Variants in BCL11A observed in about 807,000 individuals in gnomAD.
The protein encoded by BCL11A is BCL11 transcription factor A.
BCL11A carries 2 observed loss-of-function variants against 55.9 expected under a neutral mutation model. The ratio of observed to expected loss-of-function variants is 0.04; its 90% CI spans 0.01 to 0.11. The LOEUF (loss-of-function observed/expected upper bound fraction) is 0.11. Ranked by LOEUF, BCL11A falls within the 10% of genes least tolerant of loss-of-function variation. The pLI, the probability that BCL11A is intolerant of heterozygous loss-of-function variation, is 1.00. For synonymous variants in BCL11A, 465 were observed against 473.4 expected, an observed-to-expected ratio of 0.98 and a Z score of 0.23; for missense variants, 817 against 1,137.1, an observed-to-expected ratio of 0.72 and a Z score of 4.05.
chr2:60,467,099 A>ATGGTGGTGG (rs1342968262), intron 3 of BCL11A, among the ~76,000 whole-genome samples: 19 of 97,462 alleles, frequency 1.9e-4, no homozygotes, highest in Non-Finnish European at 3.6e-4. Flanking sequence ...GGTGGTGATG[A>ATGGTGGTGG]TGGTGGTGGT....
chr2:60,452,808 G>T (rs1675782328), downstream of BCL11A: 1 of 627,890 alleles, frequency 1.6e-6, no homozygotes, highest in East Asian at 2.8e-5. Flanking sequence ...TCTTAAGCAT[G>T]ATTTCAAACT....
chr2:60,501,132 A>C (rs1679254922), intron 2 of BCL11A, among the ~76,000 whole-genome samples: 1 of 152,242 alleles, frequency 6.6e-6, no homozygotes, highest in African/African-American at 2.4e-5. Context: ...GTTTCTGGAA[A>C]GTTGTTGGTA....
chr2:60,495,499 C>T (rs144676401), intron 2 of BCL11A, among the ~76,000 whole-genome samples: 1 of 152,356 alleles, frequency 6.6e-6, no homozygotes, highest in Non-Finnish European at 1.5e-5. Context: ...TGTCTAGCTG[C>T]CTTCCTTATC....
intron 2 of BCL11A, among the ~76,000 whole-genome samples, chr2:60,472,833 T>G (rs185388027): frequency 6.6e-6 from 1 of 152,248 alleles, no homozygotes; most frequent in Admixed American, 6.5e-5. Context: ...CAGGTAATAC[T>G]GCAGATTTCC....
At chr2:60,506,304 A>G (rs1475350379) in intron 2 of BCL11A, among the ~76,000 whole-genome samples, 1 of 152,244 alleles carries the variant, frequency 6.6e-6, no homozygotes, top group Non-Finnish European at 1.5e-5. Context: ...TCACCTTCAC[A>G]GGCCAGCTGT....
chr2:60,517,657 G>A (rs1311422200), intron 2 of BCL11A, among the ~76,000 whole-genome samples: 6 of 152,248 alleles, frequency 3.9e-5, no homozygotes, highest in East Asian at 1.9e-4. Flanking sequence ...GGCCATGTGC[G>A]ATTGGTACAG....
rs1670454925 is a variant in BCL11A at position 60,552,475 on chromosome 2, A to G, written c.55+741T>C. ...GGGCAAGCGCGAGGAGCCGGCACAA[A>G]AGGCAGCGGGACAAACACCCACCTC... On this transcript the variant is annotated intron_variant, in intron 1 of 3. Coordinates refer to ENST00000642384, the MANE Select transcript of BCL11A (RefSeq NM_022893.4). 2.0e-5 allele frequency among the ~76,000 whole-genome samples: 3 copies of G among 152,016 alleles called. No individual in the cohort carries two copies. In the South Asian group the frequency reaches 6.2e-4, roughly 32 times the overall value.
intron 2 of BCL11A, among the ~76,000 whole-genome samples, chr2:60,508,391 C>T (rs1679766941): frequency 6.6e-6 from 1 of 152,202 alleles, no homozygotes; most frequent in East Asian, 1.9e-4. Context: ...GCAAGCACTG[C>T]AGCCGGGTCC....
intron 2 of BCL11A, among the ~76,000 whole-genome samples, chr2:60,513,847 C>G (rs1187753208): frequency 6.6e-6 from 1 of 152,230 alleles, no homozygotes; most frequent in Non-Finnish European, 1.5e-5. Context: ...TCTCTCTTCT[C>G]AACAAGCCAG....
intron 1 of BCL11A, among the ~76,000 whole-genome samples, chr2:60,551,360 G>C (rs986825068): frequency 2.6e-5 from 4 of 152,204 alleles, no homozygotes; most frequent in African/African-American, 7.2e-5. Context: ...TGAAGTGCTC[G>C]GGGTCCCAGG....
At chr2:60,534,328 G>A (rs1434340620) in intron 2 of BCL11A, 2 of 152,206 alleles carry the variant, frequency 1.3e-5, no homozygotes, top group East Asian at 3.9e-4. Flanking sequence ...GCCAAACCCA[G>A]GCCCAAGTCC....
chr2:60,530,860 C>T (rs1251079223), intron 2 of BCL11A, among the ~76,000 whole-genome samples: 1 of 152,122 alleles, frequency 6.6e-6, no homozygotes, highest in Non-Finnish European at 1.5e-5. Context: ...GTTCTCCTAC[C>T]TCTTTCGAGC....
At chr2:60,541,826 G>T in intron 2 of BCL11A, 1 of 624,156 alleles carries the variant, frequency 1.6e-6, no homozygotes, top group Non-Finnish European at 2.9e-6. Flanking sequence ...TAAATAAAGA[G>T]AAAAGAAAAA....
intron 3 of BCL11A, among the ~76,000 whole-genome samples, chr2:60,467,882 GTGGTGGTAGTGATGGTGGTGGTAA>G (rs1676906144): frequency 8.4e-6 from 1 of 118,902 alleles, no homozygotes; most frequent in Non-Finnish European, 1.9e-5. Context: ...GGTGATGGTG[GTGGTGGTAGTGATGGTGGTGGTAA>G]TGGTGGTGGT....
intron 1 of BCL11A, chr2:60,550,740 A>T (rs748275083): frequency 7.0e-5 from 28 of 397,998 alleles, no homozygotes; most frequent in Non-Finnish European, 1.1e-4. Context: ...CCCAGGAGGG[A>T]GAGGGGTACG....
At chr2:60,486,596 G>T (rs1678293655) in intron 2 of BCL11A, among the ~76,000 whole-genome samples, 1 of 152,204 alleles carries the variant, frequency 6.6e-6, no homozygotes, top group Non-Finnish European at 1.5e-5. Flanking sequence ...GAGATCCTCT[G>T]GCTTTGAGAT....
intron 2 of BCL11A, among the ~76,000 whole-genome samples, chr2:60,511,092 C>T (rs1896297): frequency 0.61 from 92,676 of 152,074 alleles, 28,924 homozygotes; most frequent in East Asian, 0.77. Context: ...TGCCCATACT[C>T]ATATCCAATA....
rs748538213 is a variant in BCL11A, at chr2:60,553,286, GGGCGGCGGC to G, written c.-25_-17del. On this transcript the variant is annotated 5_prime_UTR_variant, in exon 1 of 4. Coordinates refer to ENST00000642384, the MANE Select transcript of BCL11A (RefSeq NM_022893.4). ...GGCGAGACATGGTGGGCTGCGGGGC[GGGCGGCGGC>G]GGCGGCGGCGGCGGCGGCGGGCGGA... The G allele has an allele frequency of 1.4e-3, 2,119 of 1,554,024 alleles. 3 individuals are homozygous for G. Among genetic ancestry groups the G allele is most frequent in the Non-Finnish European group, 1.6e-3 (1,874 of 1,158,228 alleles).
chr2:60,488,065 G>A (rs1275260554), intron 2 of BCL11A, among the ~76,000 whole-genome samples: 1 of 152,144 alleles, frequency 6.6e-6, no homozygotes, highest in East Asian at 1.9e-4. Context: ...CTTTTGACCT[G>A]GGTTTTAAAA....
Sources: allele counts gnomAD v4.1 joint callset (sites outside exome capture counted in the v4.1 genomes callset), GRCh38; gene constraint gnomAD v4.1.1; transcripts MANE v1.5; gene names NCBI Gene and HGNC (gene_info 2026-07-23, HGNC 2026-07-21).